Variants in RBFOX1 observed in about 807,000 individuals in gnomAD.
The protein encoded by RBFOX1 is RNA binding fox-1 homolog 1.
RBFOX1 carries 8 observed loss-of-function variants against 57.7 expected under a neutral mutation model. The observed-to-expected ratio is 0.14, with a 90% confidence interval of 0.08 to 0.25. The LOEUF (loss-of-function observed/expected upper bound fraction) is 0.25. RBFOX1 is among the 10% of genes least tolerant of loss of function. The pLI, the probability that RBFOX1 is intolerant of heterozygous loss-of-function variation, is 1.00. For synonymous variants in RBFOX1, 326 were observed against 222.4 expected (o/e 1.47, Z -4.15); for missense variants, 611 against 548.5 (o/e 1.11, Z -1.14).
intron 14 of RBFOX1, among the ~76,000 whole-genome samples, chr16:7,692,287 T>G (rs1014153118): frequency 6.6e-6 from 1 of 152,204 alleles, no homozygotes; most frequent in Admixed American, 6.5e-5. Context: ...AGAATTTAAC[T>G]GAATGTGAAA....
intron 4 of RBFOX1, among the ~76,000 whole-genome samples, chr16:7,266,043 T>C (rs573201764): frequency 5.5e-4 from 80 of 145,946 alleles, no homozygotes; most frequent in East Asian, 3.5e-3. Flanking sequence ...GGCGCTATCT[T>C]GGCTCACTGC....
At position 7,102,496 on chromosome 16, in the gene RBFOX1, A is replaced by C. The variant is rs139971343; in HGVS notation, c.27+50398A>C. 2.0e-3 allele frequency among the ~76,000 whole-genome samples: 298 copies of C among 152,324 alleles called. 1 individual carries two copies. The highest frequency in any genetic ancestry group is 6.4e-3 in the African/African-American group (268 of 41,578). On this transcript the variant is annotated intron_variant, in intron 4 of 15. Coordinates refer to ENST00000550418, the MANE Select transcript of RBFOX1 (RefSeq NM_018723.4). ...GAATCATGAGATTTAATAGAGACCA[A>C]AGTAGATCTTATTACTGATGTGCTT...
chr16:6,645,007 C>G (rs150669043), intron 2 of RBFOX1, among the ~76,000 whole-genome samples: 3 of 152,154 alleles, frequency 2.0e-5, no homozygotes, highest in South Asian at 2.1e-4. Context: ...TCTGGAGGCT[C>G]TACGTCCAAG....
intron 4 of RBFOX1, among the ~76,000 whole-genome samples, chr16:7,487,917 A>G (rs1313817686): frequency 2.0e-5 from 3 of 152,178 alleles, no homozygotes; most frequent in Admixed American, 2.0e-4. Context: ...CCAGCGTCCG[A>G]TAATTTCTGC....
chr16:6,959,096 C>G (rs1181234970), intron 3 of RBFOX1, among the ~76,000 whole-genome samples: 2 of 152,190 alleles, frequency 1.3e-5, no homozygotes, highest in South Asian at 4.1e-4. Context: ...TAGGCATTTT[C>G]TTTTTTCTAT....
chr16:7,279,873 C>T (rs900755433), intron 4 of RBFOX1, among the ~76,000 whole-genome samples: 1 of 152,194 alleles, frequency 6.6e-6, no homozygotes, highest in African/African-American at 2.4e-5. Flanking sequence ...CTCATGAAGG[C>T]TGAAAGGGAA....
At chr16:6,983,211 C>T (rs952782276) in intron 3 of RBFOX1, among the ~76,000 whole-genome samples, 1 of 152,082 alleles carries the variant, frequency 6.6e-6, no homozygotes, top group African/African-American at 2.4e-5. Context: ...TCCTCTGACT[C>T]TGTCACCCGC....
chr16:7,322,827 T>C (rs2143187355), intron 4 of RBFOX1, among the ~76,000 whole-genome samples: 1 of 152,280 alleles, frequency 6.6e-6, no homozygotes, highest in East Asian at 1.9e-4. Flanking sequence ...TTATCTGTCC[T>C]CCTCCTGCGT....
chr16:7,223,728 A>AG lies in RBFOX1; in HGVS notation c.27+171630_27+171631insG, dbSNP rs1355227780. ...AGTGTTTCAGAAAAAAAAAAAAAAA[A>AG]AAAGAAAAAGAAATGAGCAAGGCAG... On this transcript the variant is annotated intron_variant, in intron 4 of 15. Coordinates refer to ENST00000550418, the MANE Select transcript of RBFOX1 (RefSeq NM_018723.4). 1.1e-3 allele frequency among the ~76,000 whole-genome samples: 173 copies of AG among 151,008 alleles called. 1 individual carries two copies. Among genetic ancestry groups the AG allele is most frequent in the African/African-American group, 2.8e-3 (115 of 41,060 alleles).
intron 3 of RBFOX1, among the ~76,000 whole-genome samples, chr16:5,622,818 G>A (rs1032277842): frequency 2.6e-5 from 4 of 152,294 alleles, no homozygotes; most frequent in Admixed American, 2.0e-4. Context: ...AACCAACCTC[G>A]ATTCAAAAAT....
intron 4 of RBFOX1, among the ~76,000 whole-genome samples, chr16:7,211,278 G>T (rs1326328131): frequency 6.6e-6 from 1 of 151,258 alleles, no homozygotes; most frequent in East Asian, 2.0e-4. Context: ...TGTAGTCCCA[G>T]CTTCTCGGGA....
At chr16:5,710,979 A>T (rs1264857373) in intron 3 of RBFOX1, among the ~76,000 whole-genome samples, 3 of 152,200 alleles carry the variant, frequency 2.0e-5, no homozygotes, top group Non-Finnish European at 4.4e-5. Flanking sequence ...AAACCATCCT[A>T]GATCAGTTCT....
chr16:5,289,651 A>T (rs1567286219), intron 1 of RBFOX1, among the ~76,000 whole-genome samples: 1 of 152,238 alleles, frequency 6.6e-6, no homozygotes, highest in Non-Finnish European at 1.5e-5. Context: ...CATCACATTT[A>T]GTGTGGACCC....
intron 2 of RBFOX1, among the ~76,000 whole-genome samples, chr16:5,555,482 C>G (rs1036388627): frequency 1.8e-4 from 27 of 151,878 alleles, no homozygotes; most frequent in Non-Finnish European, 1.3e-4. Flanking sequence ...AACTCCTGAC[C>G]TCAGGTGATC....
chr16:5,679,167 C>A (rs1316003357), intron 3 of RBFOX1, among the ~76,000 whole-genome samples: 1 of 152,182 alleles, frequency 6.6e-6, no homozygotes, highest in African/African-American at 2.4e-5. Context: ...AAGGGCAAGG[C>A]TATTGAAAGT....
intron 2 of RBFOX1, among the ~76,000 whole-genome samples, chr16:6,326,644 A>T (rs1455607899): frequency 6.6e-6 from 1 of 152,110 alleles, no homozygotes; most frequent in African/African-American, 2.4e-5. Context: ...ATAAACCTGC[A>T]CTCTGTGCAG....
intron 3 of RBFOX1, chr16:5,611,459 C>G (rs1416406494): frequency 1.3e-5 from 2 of 152,208 alleles, no homozygotes; most frequent in East Asian, 3.8e-4. Context: ...GTGGACCTGC[C>G]TCCCTACCAG....
At chr16:6,561,423 C>G (rs2097177891) in intron 2 of RBFOX1, among the ~76,000 whole-genome samples, 1 of 152,132 alleles carries the variant, frequency 6.6e-6, no homozygotes, top group Non-Finnish European at 1.5e-5. Flanking sequence ...AGAACGTGTA[C>G]CAAATATGTA....
chr16:5,450,009 T>A (rs549070125), intron 1 of RBFOX1, among the ~76,000 whole-genome samples: 2 of 152,306 alleles, frequency 1.3e-5, no homozygotes, highest in East Asian at 3.9e-4. Flanking sequence ...GCACCTATCA[T>A]TTGCTGAGAT....
Sources: gnomAD v4.1 joint callset for allele counts (sites outside exome capture counted in the v4.1 genomes callset) on GRCh38, gnomAD v4.1.1 for gene constraint, MANE v1.5 for transcripts, NCBI Gene and HGNC (gene_info 2026-07-23, HGNC 2026-07-21) for gene names.